DMD: variants seen among roughly 807,000 people sequenced by gnomAD.
The protein encoded by DMD is mutant dystrophin.
In DMD, 63 loss-of-function variants were observed where a neutral mutation model predicts 330.1. The ratio of observed to expected loss-of-function variants is 0.19; its 90% CI spans 0.16 to 0.24. The LOEUF (loss-of-function observed/expected upper bound fraction) is 0.24, where lower values mean the gene tolerates loss of function less well. Ranked by LOEUF, DMD falls within the 10% of genes least tolerant of loss-of-function variation. DMD has a pLI of 1.00. For missense variants in DMD, 3,344 were observed against 2,684.1 expected, an observed-to-expected ratio of 1.25 and a Z score of -5.43; for synonymous variants, 1,223 against 959.8, an observed-to-expected ratio of 1.27 and a Z score of -5.07.
chrX:31,529,256 A>G (rs1404159868), intron 55 of DMD, among the ~76,000 whole-genome samples: 1 of 109,375 alleles, frequency 9.1e-6, no homozygotes, highest in East Asian at 2.9e-4. Context: ...ATAGTGGTGC[A>G]CAGCTATAAT....
intron 17 of DMD, among the ~76,000 whole-genome samples, chrX:32,520,990 CA>C (rs1191308055): frequency 9.0e-6 from 1 of 110,715 alleles, no homozygotes; most frequent in Non-Finnish European, 1.9e-5. Context: ...GTGCAATTAT[CA>C]GAGTAGAACT....
intron 76 of DMD, among the ~76,000 whole-genome samples, chrX:31,138,686 A>AGAGAGAGAGAGAGGGAGAGAGAGTGT (rs745406001): frequency 1.1e-5 from 1 of 87,470 alleles, no homozygotes; most frequent in African/African-American, 4.6e-5. Context: ...AGAGAGAGAG[A>AGAGAGAGAGAGAGGGAGAGAGAGTGT]GAAGGGGGAA....
chrX:32,762,846 TA>T (rs2072496517), intron 7 of DMD, among the ~76,000 whole-genome samples: 1 of 111,601 alleles, frequency 9.0e-6, no homozygotes, highest in Non-Finnish European at 1.9e-5. Flanking sequence ...ATGACCTAAT[TA>T]ATGTAGTAAA....
chrX:31,294,484 T>C (rs1380692308), intron 62 of DMD, among the ~76,000 whole-genome samples: 1 of 112,340 alleles, frequency 8.9e-6, no homozygotes, highest in African/African-American at 3.2e-5. Context: ...TAGACCAGTT[T>C]AGCCATGTTA....
At chrX:32,787,795 T>C (rs73211807) in intron 7 of DMD, among the ~76,000 whole-genome samples, 1,599 of 106,096 alleles carry the variant, frequency 0.015, 17 homozygotes, top group Middle Eastern at 0.041. Flanking sequence ...GGAGGACTCC[T>C]GTATTTAATT....
chrX:31,764,773 AT>A, intron 51 of DMD, among the ~76,000 whole-genome samples: 1 of 111,772 alleles, frequency 8.9e-6, no homozygotes, highest in East Asian at 2.8e-4. Context: ...TGACAGTTAA[AT>A]CAAAGCATTT....
chrX:32,494,601 T>C (rs2043306471), intron 19 of DMD, among the ~76,000 whole-genome samples: 1 of 111,101 alleles, frequency 9.0e-6, no homozygotes, highest in African/African-American at 3.3e-5. Context: ...TGAGTTAACA[T>C]ATATAACTTA....
At chrX:31,531,101 G>C (rs2073778152) in intron 55 of DMD, among the ~76,000 whole-genome samples, 2 of 64,615 alleles carry the variant, frequency 3.1e-5, no homozygotes, top group African/African-American at 1.4e-4. Flanking sequence ...TTGGTTCCAA[G>C]TCTTTGCTAT....
chrX:31,774,292 A>C (rs1275156874), intron 50 of DMD, 100 bp from the exon 51 acceptor site: 1 of 560,993 alleles, frequency 1.8e-6, no homozygotes, highest in African/African-American at 2.3e-5. Context: ...AGTCAAATTT[A>C]ATTGAAGAGT....
chrX:32,807,842 T>C lies in DMD; in HGVS notation c.649+1651A>G, dbSNP rs1344421845. Among the ~76,000 whole-genome samples, 4 of 111,845 alleles carry C rather than the reference T, an allele frequency of 3.6e-5. No homozygotes were observed. The South Asian group carries it at 1.1e-3, about 31-fold the overall frequency. On this transcript the variant is annotated intron_variant, in intron 7 of 78. Coordinates refer to ENST00000357033, the MANE Select transcript of DMD (RefSeq NM_004006.3). Reference sequence around the variant, plus strand: ...ATTTTGTCACTTAATAAGAAAAATATCTATTTTTAAATCTTCTCTTACTGT... The same window carrying C: ...ATTTTGTCACTTAATAAGAAAAATACCTATTTTTAAATCTTCTCTTACTGT...
At chrX:32,250,805 G>A (rs1204370195) in intron 43 of DMD, among the ~76,000 whole-genome samples, 1 of 111,863 alleles carries the variant, frequency 8.9e-6, no homozygotes, top group Non-Finnish European at 1.9e-5. Flanking sequence ...GATGGTTTTT[G>A]TGCTCCTTTT....
chrX:31,295,467 G>A (rs2054114924), intron 62 of DMD, among the ~76,000 whole-genome samples: 1 of 110,670 alleles, frequency 9.0e-6, no homozygotes, highest in African/African-American at 3.3e-5. Flanking sequence ...AGGCTAGAGT[G>A]CAATGGCATG....
At chrX:32,847,445 T>C (rs377592325) in intron 3 of DMD, among the ~76,000 whole-genome samples, 4 of 112,241 alleles carry the variant, frequency 3.6e-5, no homozygotes. Flanking sequence ...CAGATGCTTC[T>C]GAGTAGAATA....
At chrX:31,893,264 G>T (rs2149774299) in intron 47 of DMD, among the ~76,000 whole-genome samples, 1 of 111,679 alleles carries the variant, frequency 9.0e-6, no homozygotes, top group African/African-American at 3.2e-5. Context: ...CTTGAACAAG[G>T]TGTCCCCAGT....
intron 7 of DMD, among the ~76,000 whole-genome samples, chrX:32,758,887 A>C (rs1222937033): frequency 1.8e-5 from 2 of 111,663 alleles, no homozygotes; most frequent in African/African-American, 6.5e-5. Context: ...CCACAAACAA[A>C]ACAGACATGT....
chrX:32,341,068 TAA>T (rs2097739360), intron 41 of DMD, among the ~76,000 whole-genome samples: 1 of 111,937 alleles, frequency 8.9e-6, no homozygotes, highest in African/African-American at 3.2e-5. Context: ...TTTGACATTT[TAA>T]AAATATACAC....
At chrX:32,564,205 G>A (rs984886674) in intron 16 of DMD, among the ~76,000 whole-genome samples, 7 of 112,019 alleles carry the variant, frequency 6.2e-5, no homozygotes, top group Non-Finnish European at 5.6e-5. Flanking sequence ...ACTCAAGTTT[G>A]AGAACCACTC....
At chrX:32,220,366 T>C (rs938053053) in intron 43 of DMD, among the ~76,000 whole-genome samples, 9 of 111,830 alleles carry the variant, frequency 8.0e-5, no homozygotes, top group Non-Finnish European at 1.5e-4. Flanking sequence ...GTTGATTTAA[T>C]TTTATTATTG....
intron 55 of DMD, among the ~76,000 whole-genome samples, chrX:31,552,032 G>T (rs1029990852): frequency 8.9e-6 from 1 of 112,164 alleles, no homozygotes; most frequent in African/African-American, 3.2e-5. Flanking sequence ...AAGGTGCCCT[G>T]GCCACAATAT....
Sources: gnomAD v4.1 joint callset for allele counts (sites outside exome capture counted in the v4.1 genomes callset) on GRCh38, gnomAD v4.1.1 for gene constraint, MANE v1.5 for transcripts, NCBI Gene and HGNC (gene_info 2026-07-23, HGNC 2026-07-21) for gene names.